The following SERPIND1 variants were observed in gnomAD, a reference collection of about 807,000 sequenced individuals.
SERPIND1 encodes the protein serpin family D member 1.
SERPIND1 carries 34 observed loss-of-function variants against 35.0 expected under a neutral mutation model. The observed-to-expected ratio is 0.97, with a 90% CI of 0.74 to 1.29. SERPIND1 has a LOEUF of 1.29. SERPIND1 is among the 50% of genes most tolerant of loss of function. The pLI, the probability that SERPIND1 is intolerant of heterozygous loss-of-function variation, is 0.00. For missense variants in SERPIND1, 633 were observed against 637.7 expected (o/e 0.99, Z 0.08); for synonymous variants, 236 against 241.1 (o/e 0.98, Z 0.19).
chr22:20,784,841 T>TCC (rs1176822049), intron 3 of SERPIND1, among the ~76,000 whole-genome samples: 1 of 152,192 alleles, frequency 6.6e-6, no homozygotes, highest in African/African-American at 2.4e-5. Flanking sequence ...TCTTACTGGA[T>TCC]ACTGGCTAGG....
chr22:20,785,040 C>T (rs536710842), intron 3 of SERPIND1, among the ~76,000 whole-genome samples: 1 of 151,774 alleles, frequency 6.6e-6, no homozygotes, highest in South Asian at 2.1e-4. Flanking sequence ...CCCTGCAGCC[C>T]GGCAGCTCTT....
At chr22:20,784,889 T>C (rs1934089849) in intron 3 of SERPIND1, among the ~76,000 whole-genome samples, 2 of 152,242 alleles carry the variant, frequency 1.3e-5, no homozygotes, top group South Asian at 4.1e-4. Flanking sequence ...AACCTCCTTA[T>C]AGGACAAGAA....
rs767796955 is a variant in SERPIND1, at chr22:20,786,143, G to A, written c.1303G>A (p.Asp435Asn). The change falls in exon 4 of 5, where the codon GAC becomes AAC. Residue 435 changes from aspartate (D) to asparagine (N), a missense_variant. By Grantham distance (23) the Asp-to-Asn change is conservative. Transcript: ENST00000215727. Reference sequence around the variant, plus strand: ...CATCTCAGACCAAAGGATCGCCATCGACCTGGTAACCACTCCCTTGTCCAC... The same window carrying A: ...CATCTCAGACCAAAGGATCGCCATCAACCTGGTAACCACTCCCTTGTCCAC... ...AGISDQRIAIDLFKHQGTITV... is the reference protein window; with the variant it reads ...AGISDQRIAINLFKHQGTITV... The A allele has an allele frequency of 8.7e-6, 14 of 1,613,878 alleles. No homozygotes were observed. Among genetic ancestry groups the A allele is most frequent in the Admixed American group, 1.7e-5 (1 of 59,994 alleles).
chr22:20,779,024 G>A (rs1453450415), intron 1 of SERPIND1, among the ~76,000 whole-genome samples: 6 of 152,150 alleles, frequency 3.9e-5, no homozygotes, highest in Non-Finnish European at 4.4e-5. Context: ...TGAGCTCCCA[G>A]GATTCTAGAA....
At chr22:20,781,608 G>C (rs1190673409) in intron 2 of SERPIND1, among the ~76,000 whole-genome samples, 3 of 152,216 alleles carry the variant, frequency 2.0e-5, no homozygotes, top group Non-Finnish European at 4.4e-5. Context: ...AGGCCAAGCA[G>C]GGTCACTCTG....
intron 1 of SERPIND1, 176 bp from the exon 2 acceptor site, chr22:20,779,121 G>T: frequency 7.0e-7 from 1 of 1,434,062 alleles, no homozygotes; most frequent in Non-Finnish European, 9.4e-7. Context: ...CACATCAAAG[G>T]TTGGGTGTCT....
rs761234873 is a variant in SERPIND1, at chr22:20,784,131, T to C, written c.1049T>C (p.Val350Ala). 1.2e-6 allele frequency: 2 copies of C among 1,614,094 alleles called. No homozygotes were observed. The highest frequency in any genetic ancestry group is 1.7e-6 in the Non-Finnish European group (2 of 1,179,998). The change falls in exon 3 of 5, where the codon GTG (valine) becomes GCG (alanine). Residue 350 changes from valine (V) to alanine (A), a missense_variant. Val to Ala is a moderately conservative substitution (Grantham distance 64). Coordinates refer to ENST00000215727, the MANE Select transcript of SERPIND1 (RefSeq NM_000185.4). ...LDCDILQLEYVGGISMLIVVP... is the reference protein window; with the variant it reads ...LDCDILQLEYAGGISMLIVVP... ...TGCGACATCCTCCAGCTGGAATACG[T>C]GGGGGGCATCAGCATGCTAATTGTG...
In SERPIND1 at chr22:20,779,132, A is replaced by G. The variant is rs567020210; in HGVS notation, c.-16-165A>G. The G allele has an allele frequency of 5.3e-4, 795 of 1,494,142 alleles. 7 individuals carry two copies. The highest frequency in any genetic ancestry group is 8.9e-5 in the Non-Finnish European group (99 of 1,113,556). 92.6% of individuals were successfully genotyped at this position (1,494,142 alleles called of 1,614,324 possible). ...GTCCCACATCAAAGGTTGGGTGTCT[A>G]TCTACATCAGATTCTCTTAAAGTCC... On this transcript the variant is annotated intron_variant, in intron 1 of 4. Transcript: ENST00000215727.
chr22:20,778,485 C>CA (rs1398748599), intron 1 of SERPIND1, among the ~76,000 whole-genome samples: 2 of 152,102 alleles, frequency 1.3e-5, no homozygotes, highest in African/African-American at 4.8e-5. Context: ...GCCTGGGTGA[C>CA]AGAGTGAGAC....
intron 2 of SERPIND1, among the ~76,000 whole-genome samples, chr22:20,781,745 T>A (rs548199170): frequency 6.6e-6 from 1 of 152,246 alleles, no homozygotes; most frequent in Non-Finnish European, 1.5e-5. Context: ...TGAACACACA[T>A]ATCCTTTTCA....
At chr22:20,783,040 C>T (rs1933921331) in intron 2 of SERPIND1, among the ~76,000 whole-genome samples, 1 of 152,206 alleles carries the variant, frequency 6.6e-6, no homozygotes, top group Admixed American at 6.5e-5. Context: ...ACAAAACGCA[C>T]ACAACTTGCA....
rs767469136 is a variant in SERPIND1 at position 20,779,374 on chromosome 22, G to A, written c.62G>A (p.Ser21Asn). Reference sequence around the variant, plus strand: ...ATCATAACATCTGCGTGGGGTGGGAGCAAAGGCCCGCTGGATCAGCTAGAG... The same window carrying A: ...ATCATAACATCTGCGTGGGGTGGGAACAAAGGCCCGCTGGATCAGCTAGAG... ...FLIITSAWGG[S>N]KGPLDQLEKG... The change falls in exon 2 of 5, where the codon AGC (serine) becomes AAC (asparagine). Residue 21 changes from serine to asparagine, a missense_variant. Coordinates refer to ENST00000215727, the MANE Select transcript of SERPIND1 (RefSeq NM_000185.4). 9 of 1,614,104 alleles carry A rather than the reference G, an allele frequency of 5.6e-6. No individual in the cohort carries two copies. The highest frequency in any genetic ancestry group is 7.6e-6 in the Non-Finnish European group (9 of 1,180,042).
Position 20,784,007 on chromosome 22 carries a change from C to T in SERPIND1, c.925C>T (p.His309Tyr), listed in dbSNP as rs769591035. The stretch of plus-strand genomic sequence containing the variant: ...GAATAAATTCCCAGTGGAAATGACA[C>T]ACAACCACAACTTCCGGCTGAATGA... ...WVNKFPVEMT[H>Y]NHNFRLNERE... The change falls in exon 3 of 5, where the codon CAC (histidine) becomes TAC (tyrosine). Residue 309 changes from histidine to tyrosine, a missense_variant. Transcript: ENST00000215727. The T allele has an allele frequency of 1.5e-5, 25 of 1,614,070 alleles. No individual in the cohort carries two copies. Among genetic ancestry groups the T allele is most frequent in the Non-Finnish European group, 1.7e-6 (2 of 1,180,052 alleles).
chr22:20,774,204 G>C (rs985164540), intron 1 of SERPIND1, 59 bp downstream of exon 1: 1 of 152,146 alleles, frequency 6.6e-6, no homozygotes, highest in African/African-American at 2.4e-5. Context: ...TTTACGGATA[G>C]GCAACTGGTT....
chr22:20,781,391 T>TG (rs1933787393), intron 2 of SERPIND1, among the ~76,000 whole-genome samples: 1 of 152,198 alleles, frequency 6.6e-6, no homozygotes, highest in Admixed American at 6.5e-5. Context: ...ACCAGGTACC[T>TG]GCAAAGGGCA....
In SERPIND1 at chr22:20,786,070, G is replaced by A. The variant is rs140899060; in HGVS notation, c.1230G>A (p.Lys410=). Residue 410 remains lysine (K), a synonymous_variant, in exon 4 of 5, where the codon AAG becomes AAA. Coordinates refer to ENST00000215727, the MANE Select transcript of SERPIND1 (RefSeq NM_000185.4). ...EKNYNLVESL[K]LMGIRMLFDK... Reference sequence around the variant, plus strand: ...ACTACAATCTAGTGGAGTCCCTGAAGTTGATGGGGATCAGGATGCTGTTTG... The same window carrying A: ...ACTACAATCTAGTGGAGTCCCTGAAATTGATGGGGATCAGGATGCTGTTTG... 3.9e-5 allele frequency: 63 copies of A among 1,614,022 alleles called. No individual in the cohort carries two copies. The African/African-American group carries it at 7.5e-4, about 19-fold the overall frequency.
intron 1 of SERPIND1, among the ~76,000 whole-genome samples, chr22:20,776,141 G>A (rs989837613): frequency 1.3e-5 from 2 of 152,090 alleles, no homozygotes; most frequent in African/African-American, 4.8e-5. Context: ...GGGCAACATG[G>A]TAAAACCCCA....
At chr22:20,775,071 T>C (rs532912246) in intron 1 of SERPIND1, among the ~76,000 whole-genome samples, 40 of 152,188 alleles carry the variant, frequency 2.6e-4, no homozygotes, top group Non-Finnish European at 5.3e-4. Flanking sequence ...GCCTGCTCTG[T>C]TGGGCCTGGA....
intron 3 of SERPIND1, 116 bp downstream of exon 3, chr22:20,784,361 C>G: frequency 7.2e-7 from 1 of 1,384,074 alleles, no homozygotes; most frequent in Non-Finnish European, 1.0e-6. Flanking sequence ...TACCCAAGAA[C>G]TTCCATACAG....
Sources: allele counts gnomAD v4.1 joint callset (sites outside exome capture counted in the v4.1 genomes callset), GRCh38; gene constraint gnomAD v4.1.1; transcripts MANE v1.5; gene names NCBI Gene and HGNC (gene_info 2026-07-23, HGNC 2026-07-21).